The following KCNQ3 variants were observed in gnomAD, a reference collection of about 807,000 sequenced individuals.
The protein encoded by KCNQ3 is potassium voltage-gated channel subfamily KQT member 3.
KCNQ3 carries 30 observed loss-of-function variants against 92.5 expected under a neutral mutation model. The observed-to-expected ratio is 0.32, with a 90% CI of 0.24 to 0.44. The LOEUF (loss-of-function observed/expected upper bound fraction) is 0.44. KCNQ3 is among the 20% of genes least tolerant of loss of function. KCNQ3 has a pLI of 1.00. For synonymous variants in KCNQ3, 450 were observed against 468.8 expected (o/e 0.96, Z 0.52); for missense variants, 913 against 1,140.3 (o/e 0.80, Z 2.87).
At chr8:132,417,874 G>T in intron 1 of KCNQ3, among the ~76,000 whole-genome samples, 1 of 152,174 alleles carries the variant, frequency 6.6e-6, no homozygotes, top group Non-Finnish European at 1.5e-5. Context: ...TTCTCTTTCT[G>T]TTGGCCTTGG....
At chr8:132,358,362 G>T (rs904465268) in intron 1 of KCNQ3, among the ~76,000 whole-genome samples, 15 of 152,178 alleles carry the variant, frequency 9.9e-5, no homozygotes, top group African/African-American at 3.4e-4. Flanking sequence ...CCCTCTGGGA[G>T]TCACTGTGGC....
At chr8:132,472,150 T>A (rs1298280262) in intron 1 of KCNQ3, among the ~76,000 whole-genome samples, 1 of 152,134 alleles carries the variant, frequency 6.6e-6, no homozygotes, top group African/African-American at 2.4e-5. Context: ...AATTCTTACA[T>A]ACTGTTGGTG....
chr8:132,188,582 G>A (rs773657898), intron 1 of KCNQ3, among the ~76,000 whole-genome samples: 1 of 152,176 alleles, frequency 6.6e-6, no homozygotes, highest in East Asian at 1.9e-4. Flanking sequence ...TCCATGTCAG[G>A]TGCGTGGAAA....
At position 132,140,255 on chromosome 8, in the gene KCNQ3, C is replaced by T. The variant is rs1206880758; in HGVS notation, c.1466-77G>A. ...TGGGGACCCCACTGTTCGGTCAAAG[C>T]CTTCCACGCCTCTGGATGTGTCAAT... On this transcript the variant is annotated intron_variant, in intron 10 of 14. Coordinates refer to ENST00000388996, the MANE Select transcript of KCNQ3 (RefSeq NM_004519.4). 10 of 919,044 alleles carry T rather than the reference C, an allele frequency of 1.1e-5. No individual in the cohort carries two copies. In the East Asian group the frequency reaches 1.3e-4, roughly 12 times the overall value. 56.9% of individuals were successfully genotyped at this position (919,044 alleles called of 1,614,324 possible). A position where few individuals can be genotyped will look rare whatever the true frequency, so the allele number is the denominator to read the frequency against.
In KCNQ3 at chr8:132,163,502, G is replaced by A. The variant is rs144831549; in HGVS notation, c.1236-8C>T. Reference sequence around the variant, plus strand: ...GCCTCCAGCTGTTCTTTCCTAGAAAGAGAAGAGGGAGAAAAAATAAAGCAT... The same window carrying A: ...GCCTCCAGCTGTTCTTTCCTAGAAAAAGAAGAGGGAGAAAAAATAAAGCAT... On this transcript the variant is annotated splice_region_variant and splice_polypyrimidine_tract_variant and intron_variant, in intron 8 of 14. Coordinates refer to ENST00000388996, the MANE Select transcript of KCNQ3 (RefSeq NM_004519.4). 2 of 1,609,104 alleles carry A rather than the reference G, an allele frequency of 1.2e-6. No individual in the cohort carries two copies. The highest frequency in any genetic ancestry group is 4.5e-5 in the East Asian group (2 of 44,808).
chr8:132,193,398 G>A (rs1827216996), intron 1 of KCNQ3, among the ~76,000 whole-genome samples: 1 of 152,216 alleles, frequency 6.6e-6, no homozygotes, highest in Non-Finnish European at 1.5e-5. Flanking sequence ...GGCAGATGCA[G>A]GGGCCTCAGG....
rs763446963 is a variant in KCNQ3, at chr8:132,129,490, G to A, written c.2391C>T (p.His797=). 3.7e-6 allele frequency: 6 copies of A among 1,614,194 alleles called. No individual in the cohort carries two copies. The highest frequency in any genetic ancestry group is 2.2e-5 in the East Asian group (1 of 44,870). The change falls in exon 15 of 15, where the codon CAC becomes CAT. Residue 797 remains histidine, a synonymous_variant. Transcript: ENST00000388996. This position sits in a 1 kb window ranked among gnomAD's most constrained non-coding sequence, Gnocchi z 5.9. ...CACTTGGAGACCTCTCCAGCTCCTCGTGGTTGACCGACATCAGGGACAGAG... is the reference window on the plus strand; with the variant it reads ...CACTTGGAGACCTCTCCAGCTCCTCATGGTTGACCGACATCAGGGACAGAG... ...DTPLSLMSVN[H]EELERSPSGF... is the part of the protein sequence containing the mutation.
At position 132,140,058 on chromosome 8, in the gene KCNQ3, G is replaced by A. The variant is rs1363288964; in HGVS notation, c.1568+18C>T. 6.5e-7 allele frequency: 1 copy of A among 1,548,136 alleles called. No individual in the cohort carries two copies. The highest frequency in any genetic ancestry group is 8.8e-7 in the Non-Finnish European group (1 of 1,137,802). On this transcript the variant is annotated intron_variant, in intron 11 of 14. Coordinates refer to ENST00000388996, the MANE Select transcript of KCNQ3 (RefSeq NM_004519.4). ...CGGGGGAGGCACACAGGCACAGGTG[G>A]GACCGTGGGGGCATTACCTGACGGC...
intron 1 of KCNQ3, among the ~76,000 whole-genome samples, chr8:132,357,115 T>C (rs2130715383): frequency 6.6e-6 from 1 of 152,324 alleles, no homozygotes; most frequent in Non-Finnish European, 1.5e-5. Flanking sequence ...TGATCATCCC[T>C]TTCTAAATGA....
At chr8:132,329,532 A>T (rs897558959) in intron 1 of KCNQ3, among the ~76,000 whole-genome samples, 1 of 152,202 alleles carries the variant, frequency 6.6e-6, no homozygotes, top group Non-Finnish European at 1.5e-5. Flanking sequence ...TCTGGATTTC[A>T]GAGGCCATGC....
chr8:132,146,597 CTT>C (rs11420420), intron 9 of KCNQ3, among the ~76,000 whole-genome samples: 1 of 145,478 alleles, frequency 6.9e-6, no homozygotes, highest in South Asian at 2.2e-4. Flanking sequence ...TAGACCTGTA[CTT>C]TTTTTTTTTT....
chr8:132,430,823 G>A (rs1003325370), intron 1 of KCNQ3, among the ~76,000 whole-genome samples: 20 of 152,132 alleles, frequency 1.3e-4, no homozygotes, highest in Admixed American at 5.9e-4. Flanking sequence ...TGGTGGTTCC[G>A]TTTGTCCTTC....
intron 1 of KCNQ3, among the ~76,000 whole-genome samples, chr8:132,383,585 G>A (rs1255480297): frequency 2.0e-5 from 3 of 152,172 alleles, no homozygotes; most frequent in South Asian, 2.1e-4. Context: ...GAGCCCCAGC[G>A]CCATATAACA....
At chr8:132,399,178 C>T (rs986896721) in intron 1 of KCNQ3, among the ~76,000 whole-genome samples, 1 of 152,190 alleles carries the variant, frequency 6.6e-6, no homozygotes, top group African/African-American at 2.4e-5. Context: ...ACTTGTTTTG[C>T]AGGTTCTTAT....
In KCNQ3 at chr8:132,137,028, A is replaced by ATT. The variant is rs34860665; in HGVS notation, c.1700+855_1700+856dup. 3.7e-3 allele frequency among the ~76,000 whole-genome samples: 516 copies of ATT among 141,132 alleles called. 1 individual carries two copies. The highest frequency in any genetic ancestry group is 0.011 in the Middle Eastern group (3 of 274). The allele number at this position is 141,132 out of a possible 152,430, so 92.6% of individuals were successfully genotyped here. A position where few individuals can be genotyped will look rare whatever the true frequency, so the allele number is the denominator to read the frequency against. Reference sequence around the variant, plus strand: ...TACAGGCGTGCACCACCATGCCTGGATTTTTTTTTTTTTTGTATTTTTAGT... The same window carrying ATT: ...TACAGGCGTGCACCACCATGCCTGGATTTTTTTTTTTTTTTTGTATTTTTAGT... On this transcript the variant is annotated intron_variant, in intron 12 of 14. Coordinates refer to ENST00000388996, the MANE Select transcript of KCNQ3 (RefSeq NM_004519.4).
rs142554625 is a variant in KCNQ3, at chr8:132,229,014, G to A, written c.387-42833C>T. Among the ~76,000 whole-genome samples the A allele has an allele frequency of 5.8e-3, 884 of 152,294 alleles. 13 individuals carry two copies. The highest frequency in any genetic ancestry group is 0.021 in the African/African-American group (859 of 41,566). On this transcript the variant is annotated intron_variant, in intron 1 of 14. Transcript: ENST00000388996. Reference sequence around the variant, plus strand: ...CTCACACCTGTAATCCCAGCACTTTGGGAGGCCAAGGCAGATGGATCACGA... The same window carrying A: ...CTCACACCTGTAATCCCAGCACTTTAGGAGGCCAAGGCAGATGGATCACGA...
chr8:132,477,859 C>T (rs1446181241), intron 1 of KCNQ3, among the ~76,000 whole-genome samples: 4 of 152,164 alleles, frequency 2.6e-5, no homozygotes, highest in Non-Finnish European at 4.4e-5. Flanking sequence ...CAGGGTCCCA[C>T]AATTGTTGGA....
At chr8:132,304,485 T>C (rs1438282934) in intron 1 of KCNQ3, among the ~76,000 whole-genome samples, 4 of 152,174 alleles carry the variant, frequency 2.6e-5, no homozygotes, top group African/African-American at 9.7e-5. Flanking sequence ...ATGCAGATAG[T>C]AAGAGCAGCC....
At chr8:132,303,208 C>T (rs893144553) in intron 1 of KCNQ3, among the ~76,000 whole-genome samples, 1 of 152,086 alleles carries the variant, frequency 6.6e-6, no homozygotes, top group Non-Finnish European at 1.5e-5. Context: ...TACAGCATTA[C>T]TATTTAGGTG....
Sources: allele counts gnomAD v4.1 joint callset (sites outside exome capture counted in the v4.1 genomes callset), GRCh38; gene constraint gnomAD v4.1.1; non-coding constraint Gnocchi (gnomAD v3.1); transcripts MANE v1.5; gene names NCBI Gene and HGNC (gene_info 2026-07-23, HGNC 2026-07-21).